The following AKNA variants were observed in gnomAD, a reference collection of about 807,000 sequenced individuals.
The protein encoded by AKNA is microtubule organization protein AKNA.
A neutral mutation model predicts 138.8 loss-of-function variants in AKNA; 67 were observed. The ratio of observed to expected loss-of-function variants is 0.48; its 90% CI spans 0.40 to 0.59. The LOEUF is 0.59. Among genes scored for constraint, AKNA ranks in the 20% least tolerant of loss-of-function variants. The pLI is 0.00. For missense variants in AKNA, 1,813 were observed against 1,880.4 expected (o/e 0.96, Z 0.66); for synonymous variants, 737 against 754.4 (o/e 0.98, Z 0.38).
At chr9:114,373,208 C>A (rs555744578) in intron 4 of AKNA, among the ~76,000 whole-genome samples, 3 of 152,172 alleles carry the variant, frequency 2.0e-5, no homozygotes, top group Non-Finnish European at 4.4e-5. Context: ...CAGGAAGCCA[C>A]GAGGGGCCGC....
chr9:114,341,657 C>T lies in AKNA; in HGVS notation c.3943G>A (p.Ala1315Thr). The part of the protein sequence containing the change: ...TPSPKQRSKQ[A>T]GSSPRPPPGL... ...GGGGGTGGGCGTGGCGACGACCCCG[C>T]CTGCTTGCTCCTCTGCTTGGGGCTG... is the stretch of plus-strand genomic sequence containing the variant. The change falls in exon 21 of 22, where the codon GCG becomes ACG. Residue 1315 changes from alanine (A) to threonine (T), a missense_variant. Transcript: ENST00000374088. 6.2e-7 allele frequency: 1 copy of T among 1,608,910 alleles called. No homozygotes were observed. Among genetic ancestry groups the T allele is most frequent in the Non-Finnish European group, 8.5e-7 (1 of 1,178,158 alleles).
intron 2 of AKNA, among the ~76,000 whole-genome samples, chr9:114,378,027 C>T (rs73656093): frequency 0.031 from 4,681 of 152,304 alleles, 256 homozygotes; most frequent in African/African-American, 0.11. Context: ...TCACCCACAT[C>T]CCACATCTGA....
chr9:114,339,226 A>C (rs998142784), intron 21 of AKNA, among the ~76,000 whole-genome samples: 3 of 152,164 alleles, frequency 2.0e-5, no homozygotes, highest in Admixed American at 2.0e-4. Context: ...ACACTGAAAA[A>C]GTCCCTCTGG....
rs750254577 is a variant in AKNA, at chr9:114,336,147, GTCT to G, written c.*904_*906del. ...ACGGATGGCTTTGGGTATTTTTTTT[GTCT>G]TCTTTTCTTTTTTTAAGATCAATAT... is the stretch of plus-strand genomic sequence containing the variant. On this transcript the variant is annotated 3_prime_UTR_variant, in exon 22 of 22. Transcript: ENST00000374088. The G allele has an allele frequency of 6.5e-6, 1 of 152,686 alleles. No homozygotes were observed. Among genetic ancestry groups the G allele is most frequent in the Non-Finnish European group, 1.5e-5 (1 of 68,002 alleles). 9.5% of individuals were successfully genotyped at this position (152,686 alleles called of 1,614,324 possible).
At chr9:114,377,556 C>G in intron 2 of AKNA, 24 bp from the exon 3 acceptor site, 1 of 1,568,532 alleles carries the variant, frequency 6.4e-7, no homozygotes, top group South Asian at 1.2e-5. Flanking sequence ...CCATTCACTT[C>G]TTAGCATATA....
chr9:114,372,415 C>T (rs900679084), intron 4 of AKNA, among the ~76,000 whole-genome samples: 1 of 152,198 alleles, frequency 6.6e-6, no homozygotes, highest in Admixed American at 6.5e-5. Context: ...TGTCCACCCC[C>T]GCCTGTCACT....
intron 2 of AKNA, among the ~76,000 whole-genome samples, chr9:114,379,852 T>TA (rs1833510132): frequency 6.6e-6 from 1 of 152,134 alleles, no homozygotes; most frequent in South Asian, 2.1e-4. Context: ...ATTGGGATTT[T>TA]AAAAAACCTT....
chr9:114,350,315 C>T (rs1262522396), intron 15 of AKNA, among the ~76,000 whole-genome samples: 9 of 152,146 alleles, frequency 5.9e-5, no homozygotes, highest in Non-Finnish European at 1.3e-4. Context: ...AGCAGTCTCC[C>T]CAGCGCATCC....
At position 114,336,620 on chromosome 9, in the gene AKNA, G is replaced by T. The variant is rs41278655; in HGVS notation, c.*434C>A. 3.7e-4 allele frequency: 60 copies of T among 164,110 alleles called. 1 individual carries two copies. The highest frequency in any genetic ancestry group is 6.5e-5 in the Non-Finnish European group (5 of 76,438). The allele number at this position is 164,110 out of a possible 1,614,324, so 10.2% of individuals were successfully genotyped here. On this transcript the variant is annotated 3_prime_UTR_variant, in exon 22 of 22. Transcript: ENST00000374088. The stretch of plus-strand genomic sequence containing the variant: ...CCCCAGAGTGACTGGTCACAGGTGG[G>T]GGACAGGTTTGCTCCAGAAACCGTA...
intron 6 of AKNA, among the ~76,000 whole-genome samples, chr9:114,365,995 G>A (rs758427128): frequency 5.3e-5 from 8 of 152,184 alleles, no homozygotes; most frequent in Non-Finnish European, 7.3e-5. Flanking sequence ...AACCAAGAAT[G>A]GTGGTGGCAA....
At chr9:114,357,102 C>A in intron 12 of AKNA, 133 bp from the exon 13 acceptor site, 1 of 692,482 alleles carries the variant, frequency 1.4e-6, no homozygotes, top group Non-Finnish European at 2.3e-6. Flanking sequence ...TCCCAACAGC[C>A]AGGCCCAGGA....
rs759490494 is a variant in AKNA at position 114,341,653 on chromosome 9, C to G, written c.3947G>C (p.Gly1316Ala). The G allele has an allele frequency of 2.5e-6, 4 of 1,609,650 alleles. No homozygotes were observed. The highest frequency in any genetic ancestry group is 3.4e-6 in the Non-Finnish European group (4 of 1,178,508). ...TCCGGGGGGTGGGCGTGGCGACGAC[C>G]CCGCCTGCTTGCTCCTCTGCTTGGG... ...PSPKQRSKQAGSSPRPPPGLW... is the reference protein window; with the variant it reads ...PSPKQRSKQAASSPRPPPGLW... Residue 1316 changes from glycine to alanine, a missense_variant, in exon 21 of 22, where the codon GGG becomes GCG. Gly to Ala is a moderately conservative substitution (Grantham distance 60). Coordinates refer to ENST00000374088, the MANE Select transcript of AKNA (RefSeq NM_001317950.2).
intron 4 of AKNA, 85 bp from the exon 5 acceptor site, chr9:114,368,680 A>C: frequency 2.6e-6 from 3 of 1,139,022 alleles, no homozygotes; most frequent in Non-Finnish European, 2.3e-6. Context: ...CAGGAGCTCA[A>C]CACACATGCC....
chr9:114,355,508 G>GT (rs1229349875), intron 14 of AKNA, among the ~76,000 whole-genome samples: 1 of 152,210 alleles, frequency 6.6e-6, no homozygotes, highest in Admixed American at 6.5e-5. Context: ...CGGCAGCGCA[G>GT]TAGGTTTGTT....
At chr9:114,375,700 C>T (rs547123842) in intron 3 of AKNA, among the ~76,000 whole-genome samples, 9 of 151,270 alleles carry the variant, frequency 5.9e-5, no homozygotes, top group Non-Finnish European at 1.2e-4. Flanking sequence ...AGGCCACAGG[C>T]GAGAAAGGTT....
Position 114,337,472 on chromosome 9 carries a change from TC to T in AKNA, c.4068-167del, listed in dbSNP as rs553790065. 2.6e-4 allele frequency among the ~76,000 whole-genome samples: 39 copies of T among 152,236 alleles called. No homozygotes were observed. In the South Asian group the frequency reaches 7.9e-3, roughly 31 times the overall value. The stretch of plus-strand genomic sequence containing the variant: ...CTAAAATGGGAATAATGGGCACACA[TC>T]CAGGGATTTCTTAGAAAGATGAAGG... On this transcript the variant is annotated intron_variant, in intron 21 of 21. Transcript: ENST00000374088.
chr9:114,393,720 G>A (rs1564106325), intron 1 of AKNA, among the ~76,000 whole-genome samples: 1 of 151,094 alleles, frequency 6.6e-6, no homozygotes, highest in Non-Finnish European at 1.5e-5. Flanking sequence ...GTTATGTTAA[G>A]TGGACAAGCC....
At chr9:114,347,128 G>C (rs1040835830) in intron 16 of AKNA, among the ~76,000 whole-genome samples, 1 of 152,178 alleles carries the variant, frequency 6.6e-6, no homozygotes, top group Non-Finnish European at 1.5e-5. Flanking sequence ...AACAAACACC[G>C]AATTAATGGG....
intron 1 of AKNA, among the ~76,000 whole-genome samples, chr9:114,386,326 G>C (rs1834027399): frequency 6.6e-6 from 1 of 152,238 alleles, no homozygotes; most frequent in Non-Finnish European, 1.5e-5. Context: ...AGGTGGGCTT[G>C]AGAAACAATG....
Sources: gnomAD v4.1 joint callset for allele counts (sites outside exome capture counted in the v4.1 genomes callset) on GRCh38, gnomAD v4.1.1 for gene constraint, MANE v1.5 for transcripts, NCBI Gene and HGNC (gene_info 2026-07-23, HGNC 2026-07-21) for gene names.